CYFIP2: variants seen among roughly 807,000 people sequenced by gnomAD.
CYFIP2 encodes the protein cytoplasmic FMR1-interacting protein 2.
Under a neutral mutation model 158.7 loss-of-function variants are expected in CYFIP2, and 29 were observed. The ratio of observed to expected loss-of-function variants is 0.18; its 90% CI spans 0.14 to 0.25. The LOEUF is 0.25. Among genes scored for constraint, CYFIP2 ranks in the 10% least tolerant of loss-of-function variants. The pLI, the probability that CYFIP2 is intolerant of heterozygous loss-of-function variation, is 1.00. For missense variants in CYFIP2, 852 were observed against 1,639.5 expected (o/e 0.52, Z 8.29); for synonymous variants, 585 against 617.6 (o/e 0.95, Z 0.78).
intron 3 of CYFIP2, among the ~76,000 whole-genome samples, chr5:157,292,226 T>A (rs1757880611): frequency 1.3e-5 from 2 of 152,130 alleles, no homozygotes; most frequent in Non-Finnish European, 2.9e-5. Flanking sequence ...TTTTATTTTT[T>A]TATTTTTTTT....
intron 21 of CYFIP2, among the ~76,000 whole-genome samples, chr5:157,338,743 C>T (rs965717498): frequency 1.3e-5 from 2 of 152,182 alleles, no homozygotes; most frequent in African/African-American, 4.8e-5. Flanking sequence ...AGCAAGTAAG[C>T]TTGTTCTCTA....
chr5:157,341,869 C>G (rs1249182231), intron 23 of CYFIP2: 1 of 152,206 alleles, frequency 6.6e-6, no homozygotes, highest in Non-Finnish European at 1.5e-5. Context: ...CCTGCCTAGT[C>G]TGGTCAAGAC....
At chr5:157,383,094 T>G in intron 27 of CYFIP2, 171 bp from the exon 28 acceptor site, 1 of 608,272 alleles carries the variant, frequency 1.6e-6, no homozygotes, top group East Asian at 2.8e-5. Context: ...TCATAGAACA[T>G]TTTTCCTTGT....
intron 23 of CYFIP2, among the ~76,000 whole-genome samples, chr5:157,345,204 C>G (rs1352992022): frequency 6.6e-6 from 1 of 152,210 alleles, no homozygotes; most frequent in East Asian, 1.9e-4. Flanking sequence ...GAGCTTAATT[C>G]ATTATAGGCA....
chr5:157,358,155 G>T (rs7701280), intron 23 of CYFIP2, among the ~76,000 whole-genome samples: 33 of 152,222 alleles, frequency 2.2e-4, no homozygotes, highest in Admixed American at 5.9e-4. Context: ...CGTTAGAGTC[G>T]ATGATAACTT....
chr5:157,381,504 G>A (rs1226217399), intron 26 of CYFIP2, among the ~76,000 whole-genome samples: 1 of 131,142 alleles, frequency 7.6e-6, no homozygotes, highest in Non-Finnish European at 1.6e-5. Flanking sequence ...CTCCAGCCTG[G>A]GCAACAGAAT....
At position 157,320,673 on chromosome 5, in the gene CYFIP2, A is replaced by C. The variant is rs1196372495; in HGVS notation, c.1542A>C (p.Arg514=). The change falls in exon 15 of 31, where the codon CGA becomes CGC. Residue 514 remains arginine (R), a synonymous_variant. Transcript: ENST00000620254. ...TCCCCAGCGTCCTACAGGCAATTCG[A>C]AAGACCATCTGTGACTGGGAGGGAG... The part of the protein sequence containing the change: ...NVLISVLQAI[R]KTICDWEGGR... The C allele has an allele frequency of 5.0e-6, 8 of 1,613,850 alleles. No homozygotes were observed. Among genetic ancestry groups the C allele is most frequent in the Non-Finnish European group, 6.8e-6 (8 of 1,179,862 alleles).
At chr5:157,276,444 G>A (rs1448348575) in intron 1 of CYFIP2, among the ~76,000 whole-genome samples, 3 of 152,144 alleles carry the variant, frequency 2.0e-5, no homozygotes, top group Non-Finnish European at 4.4e-5. Flanking sequence ...TGATGTTAAT[G>A]TTAATCCAAT....
chr5:157,355,020 C>T (rs971018182), intron 23 of CYFIP2, among the ~76,000 whole-genome samples: 1 of 152,014 alleles, frequency 6.6e-6, no homozygotes, highest in Non-Finnish European at 1.5e-5. Flanking sequence ...CACGTCTATC[C>T]CCACTTCCAG....
At chr5:157,296,315 C>T (rs536856631) in intron 4 of CYFIP2, among the ~76,000 whole-genome samples, 2 of 152,130 alleles carry the variant, frequency 1.3e-5, no homozygotes, top group African/African-American at 2.4e-5. Context: ...ACAGCAGGGC[C>T]GTGCATGGTG....
chr5:157,325,719 G>A lies in CYFIP2; in HGVS notation c.1982+81G>A, dbSNP rs6888260. On this transcript the variant is annotated intron_variant, in intron 17 of 30. Transcript: ENST00000620254. ...TTGCCAGGGAGATCCGTTCTTTCCA[G>A]AAGGAAGCACTGAGTTGACAAGAAA... 3.8e-3 allele frequency: 5,373 copies of A among 1,426,474 alleles called. 181 individuals carry two copies. In the African/African-American group the frequency reaches 0.071, roughly 19 times the overall value. 88.4% of individuals were successfully genotyped at this position (1,426,474 alleles called of 1,614,324 possible).
chr5:157,394,531 G>C lies in CYFIP2; in HGVS notation c.*1531G>C, dbSNP rs920199746. 6.6e-6 allele frequency: 1 copy of C among 152,192 alleles called. No homozygotes were observed. Among genetic ancestry groups the C allele is most frequent in the African/African-American group, 2.4e-5 (1 of 41,456 alleles). 9.4% of individuals were successfully genotyped at this position (152,192 alleles called of 1,614,324 possible). On this transcript the variant is annotated 3_prime_UTR_variant, in exon 31 of 31. Coordinates refer to ENST00000620254, the MANE Select transcript of CYFIP2 (RefSeq NM_001037333.3). ...AAAGGCCCCTTAGGTCAGATCCTGA[G>C]AGTAGCACATTTGAGTGCAGATTCC...
intron 3 of CYFIP2, among the ~76,000 whole-genome samples, chr5:157,291,566 TG>T (rs1757817795): frequency 6.6e-6 from 1 of 152,248 alleles, no homozygotes; most frequent in African/African-American, 2.4e-5. Context: ...GCAGGCAGGT[TG>T]GTGCTACAAG....
In CYFIP2 at chr5:157,393,595, C is replaced by T. The variant is rs1767520530; in HGVS notation, c.*595C>T. 1 of 150,990 alleles carries T rather than the reference C, an allele frequency of 6.6e-6. No homozygotes were observed. The highest frequency in any genetic ancestry group is 1.5e-5 in the Non-Finnish European group (1 of 68,292). 9.4% of individuals were successfully genotyped at this position (150,990 alleles called of 1,614,324 possible). A position where few individuals can be genotyped will look rare whatever the true frequency, so the allele number is the denominator to read the frequency against. ...CTAACTCCCCTCTCTCAGGGAAGCCCTAGAGAGAGGTCCAAAAAGCATTCA... is the reference window on the plus strand; with the variant it reads ...CTAACTCCCCTCTCTCAGGGAAGCCTTAGAGAGAGGTCCAAAAAGCATTCA... On this transcript the variant is annotated 3_prime_UTR_variant, in exon 31 of 31. Transcript: ENST00000620254.
chr5:157,309,607 G>C, intron 9 of CYFIP2, 136 bp from the exon 10 acceptor site: 2 of 722,148 alleles, frequency 2.8e-6, no homozygotes, highest in Non-Finnish European at 4.6e-6. Flanking sequence ...TCACATGGTA[G>C]CGTCATCGGA....
At chr5:157,390,700 TG>T in intron 30 of CYFIP2, 32 bp downstream of exon 30, 1 of 1,569,952 alleles carries the variant, frequency 6.4e-7, no homozygotes, top group Non-Finnish European at 8.6e-7. Flanking sequence ...GCCTGGGAGG[TG>T]GGGCTGGGCT....
Position 157,330,743 on chromosome 5 carries a change from G to A in CYFIP2, c.2158G>A (p.Val720Ile). ...TTGTTTCACTTTTATTCCTTGCAGTGTCCTGTTGGATAAACGTTTTCGAGC... is the reference window on the plus strand; with the variant it reads ...TTGTTTCACTTTTATTCCTTGCAGTATCCTGTTGGATAAACGTTTTCGAGC... ...FAYYKAMAGSVLLDKRFRAEC... is the reference protein window; with the variant it reads ...FAYYKAMAGSILLDKRFRAEC... The change falls in exon 20 of 31, where the codon GTC becomes ATC. Residue 720 changes from valine to isoleucine, a missense_variant and splice_region_variant. Physicochemically the swap from Val to Ile is conservative, Grantham distance 29 (BLOSUM62 3). Transcript: ENST00000620254. 6.2e-7 allele frequency: 1 copy of A among 1,613,588 alleles called. No homozygotes were observed. The highest frequency in any genetic ancestry group is 2.2e-5 in the East Asian group (1 of 44,872).
intron 14 of CYFIP2, among the ~76,000 whole-genome samples, chr5:157,320,199 C>T (rs1473704176): frequency 6.6e-6 from 1 of 152,222 alleles, no homozygotes; most frequent in Non-Finnish European, 1.5e-5. Flanking sequence ...ATAATGCTAC[C>T]TGCTGCCTGT....
At chr5:157,372,052 A>G (rs976522256) in intron 26 of CYFIP2, among the ~76,000 whole-genome samples, 4 of 152,190 alleles carry the variant, frequency 2.6e-5, no homozygotes, top group African/African-American at 7.2e-5. Flanking sequence ...GAGTTCTCCA[A>G]GGAGGGATCG....
Sources: gnomAD v4.1 joint callset for allele counts (sites outside exome capture counted in the v4.1 genomes callset) on GRCh38, gnomAD v4.1.1 for gene constraint, MANE v1.5 for transcripts, NCBI Gene and HGNC (gene_info 2026-07-23, HGNC 2026-07-21) for gene names.